ANKRD42: variants seen among roughly 807,000 people sequenced by gnomAD.
ANKRD42 encodes ankyrin repeat domain 42.
ANKRD42 carries 43 observed loss-of-function variants against 51.5 expected under a neutral mutation model. That is an observed-to-expected ratio of 0.83 (90% CI 0.65 to 1.08). The LOEUF is 1.08. Among genes scored for constraint, ANKRD42 ranks in the 50% least tolerant of loss-of-function variants. The pLI is 0.00. For missense variants in ANKRD42, 608 were observed against 629.3 expected, an observed-to-expected ratio of 0.97 and a Z score of 0.36; for synonymous variants, 203 against 213.0, an observed-to-expected ratio of 0.95 and a Z score of 0.41.
At chr11:83,255,783 G>T in intron 11 of ANKRD42, 1 of 1,342,042 alleles carries the variant, frequency 7.5e-7, no homozygotes, top group East Asian at 2.5e-5. Flanking sequence ...AGGCAATGTA[G>T]AAAGACGAAA....
At chr11:83,218,959 G>A (rs918957487) in intron 5 of ANKRD42, among the ~76,000 whole-genome samples, 4 of 152,210 alleles carry the variant, frequency 2.6e-5, no homozygotes, top group Non-Finnish European at 5.9e-5. Flanking sequence ...TCTCCATTTT[G>A]TAAGGAATAC....
chr11:83,200,972 T>C (rs903706111), intron 2 of ANKRD42, among the ~76,000 whole-genome samples: 1 of 152,144 alleles, frequency 6.6e-6, no homozygotes, highest in Non-Finnish European at 1.5e-5. Flanking sequence ...TTGCACATGC[T>C]GTTTCTTTTC....
intron 1 of ANKRD42, among the ~76,000 whole-genome samples, chr11:83,195,705 C>T (rs1861620096): frequency 6.6e-6 from 1 of 152,160 alleles, no homozygotes; most frequent in Admixed American, 6.5e-5. Flanking sequence ...TGTATCCATT[C>T]CAGTTTAGTT....
chr11:83,195,868 G>A (rs1181528152), intron 1 of ANKRD42, among the ~76,000 whole-genome samples: 1 of 142,060 alleles, frequency 7.0e-6, no homozygotes, highest in Non-Finnish European at 1.5e-5. Context: ...TTTTGGAGAC[G>A]GAGTCTTGCT....
chr11:83,242,152 T>C (rs1863404578), intron 9 of ANKRD42, among the ~76,000 whole-genome samples: 1 of 152,204 alleles, frequency 6.6e-6, no homozygotes, highest in Non-Finnish European at 1.5e-5. Flanking sequence ...TAACATTCTA[T>C]GTATTCCCTT....
intron 7 of ANKRD42, among the ~76,000 whole-genome samples, 170 bp downstream of exon 7, chr11:83,228,042 G>A (rs1040519676): frequency 6.6e-6 from 1 of 152,000 alleles, no homozygotes; most frequent in Admixed American, 6.6e-5. Flanking sequence ...CAATTCAAGT[G>A]TAATGTTTCT....
chr11:83,261,814 G>A, downstream of ANKRD42: 3 of 788,966 alleles, frequency 3.8e-6, no homozygotes, highest in East Asian at 7.6e-5. Context: ...ATAATCTTGT[G>A]TAGTAAATTT....
In ANKRD42 at chr11:83,194,131, G is replaced by T; in HGVS notation, c.-540G>T. On this transcript the variant is annotated 5_prime_UTR_variant, in exon 1 of 11. Transcript: ENST00000533342. ...CAGCTGCTCTTGGGAGAGAGTTAGG[G>T]GAGACAGCACCTTCTGCAGCAGCGA... 1 of 456,666 alleles carries T rather than the reference G, an allele frequency of 2.2e-6. No individual in the cohort carries two copies. The highest frequency in any genetic ancestry group is 1.5e-5 in the South Asian group (1 of 64,568). 28.3% of individuals were successfully genotyped at this position (456,666 alleles called of 1,614,324 possible).
chr11:83,235,891 A>C (rs772222798), intron 7 of ANKRD42, among the ~76,000 whole-genome samples: 1 of 152,184 alleles, frequency 6.6e-6, no homozygotes, highest in African/African-American at 2.4e-5. Context: ...CAGGCCTATA[A>C]ATTTTGAGTT....
chr11:83,211,138 T>C, intron 4 of ANKRD42, 157 bp from the exon 5 acceptor site: 1 of 878,862 alleles, frequency 1.1e-6, no homozygotes, highest in East Asian at 2.5e-5. Flanking sequence ...TTAGCTCATA[T>C]ATTCAAATTA....
intron 5 of ANKRD42, chr11:83,213,657 T>C: frequency 6.3e-6 from 5 of 796,698 alleles, no homozygotes; most frequent in Non-Finnish European, 8.1e-6. Context: ...TTCGTACGTT[T>C]AAAGGCTATT....
At chr11:83,199,221 C>T (rs1039860945) in intron 2 of ANKRD42, among the ~76,000 whole-genome samples, 2 of 152,142 alleles carry the variant, frequency 1.3e-5, no homozygotes, top group African/African-American at 4.8e-5. Flanking sequence ...CATTTGAAGT[C>T]CCTAAGTACC....
chr11:83,261,861 C>T (rs370520085), downstream of ANKRD42: 23 of 1,328,844 alleles, frequency 1.7e-5, no homozygotes, highest in African/African-American at 1.3e-4. Flanking sequence ...AAATCTCTCC[C>T]GGTTTGGTGT....
At chr11:83,215,021 G>T (rs1332531670) in intron 5 of ANKRD42, 1 of 152,102 alleles carries the variant, frequency 6.6e-6, no homozygotes, top group Non-Finnish European at 1.5e-5. Flanking sequence ...TTAACATAAT[G>T]ACCTCCAATT....
At chr11:83,209,567 T>A (rs915781690) in intron 3 of ANKRD42, 4 of 955,200 alleles carry the variant, frequency 4.2e-6, no homozygotes, top group Non-Finnish European at 6.9e-6. Flanking sequence ...ATGGGTCTAT[T>A]ATATGATCCA....
intron 3 of ANKRD42, among the ~76,000 whole-genome samples, chr11:83,207,298 T>C (rs1565178604): frequency 6.6e-6 from 1 of 152,170 alleles, no homozygotes; most frequent in Non-Finnish European, 1.5e-5. Flanking sequence ...CAAATGAGAT[T>C]TGAGGGGGAA....
chr11:83,236,380 G>T, intron 7 of ANKRD42, 24 bp from the exon 8 acceptor site: 1 of 1,571,276 alleles, frequency 6.4e-7, no homozygotes, highest in South Asian at 1.2e-5. Context: ...TGTAATTCCT[G>T]TTCTTTTTCC....
intron 3 of ANKRD42, chr11:83,209,574 T>C: frequency 1.1e-6 from 1 of 945,188 alleles, no homozygotes; most frequent in Non-Finnish European, 1.8e-6. Flanking sequence ...TATTATATGA[T>C]CCATGAACCA....
intron 7 of ANKRD42, among the ~76,000 whole-genome samples, chr11:83,231,364 G>C (rs1863067408): frequency 2.6e-5 from 4 of 152,126 alleles, no homozygotes; most frequent in African/African-American, 9.7e-5. Context: ...GTCTTCTTTT[G>C]AGAAATGTCT....
Sources: gnomAD v4.1 joint callset for allele counts (sites outside exome capture counted in the v4.1 genomes callset) on GRCh38, gnomAD v4.1.1 for gene constraint, MANE v1.5 for transcripts, NCBI Gene and HGNC (gene_info 2026-07-23, HGNC 2026-07-21) for gene names.